Variants in MAS1 observed in about 807,000 individuals in gnomAD.
MAS1 encodes the protein proto-oncogene Mas.
For synonymous variants in MAS1, 163 were observed against 164.2 expected, an observed-to-expected ratio of 0.99 and a Z score of 0.05; for missense variants, 387 against 409.7, an observed-to-expected ratio of 0.94 and a Z score of 0.48.
chr6:159,910,353 C>G lies in MAS1; in HGVS notation c.*2420C>G, dbSNP rs1157212616. On this transcript the variant is annotated 3_prime_UTR_variant, in exon 3 of 3. Coordinates refer to ENST00000674077, the MANE Select transcript of MAS1 (RefSeq NM_002377.4). Reference sequence around the variant, plus strand: ...CATAACTACAACACCAGGCTGCACACAAGTTTGTTTGACAAGTGTTAGGAA... The same window carrying G: ...CATAACTACAACACCAGGCTGCACAGAAGTTTGTTTGACAAGTGTTAGGAA... 2.0e-5 allele frequency: 3 copies of G among 152,254 alleles called. No homozygotes were observed. Among genetic ancestry groups the G allele is most frequent in the Admixed American group, 6.5e-5 (1 of 15,288 alleles). The allele number at this position is 152,254 out of a possible 1,614,324, so 9.4% of individuals were successfully genotyped here.
At chr6:159,889,719 T>C (rs992258502), upstream of MAS1, among the ~76,000 whole-genome samples, 4 of 152,220 alleles carry the variant, frequency 2.6e-5, no homozygotes, top group African/African-American at 9.6e-5. Flanking sequence ...TGAGAACACC[T>C]TTCCAACTTC....
upstream of MAS1, among the ~76,000 whole-genome samples, chr6:159,889,911 T>G (rs1782678291): frequency 6.6e-6 from 1 of 152,188 alleles, no homozygotes; most frequent in Non-Finnish European, 1.5e-5. Context: ...GTCTTCCTGC[T>G]TACGAAAACA....
chr6:159,900,052 T>C (rs1185379974), intron 2 of MAS1, among the ~76,000 whole-genome samples: 1 of 151,864 alleles, frequency 6.6e-6, no homozygotes, highest in Non-Finnish European at 1.5e-5. Flanking sequence ...TGTCAAAAAA[T>C]AATAATAATA....
At chr6:159,898,540 C>CTCCTCCCTCCTCCTGCCTCT (rs1782781795) in intron 1 of MAS1, among the ~76,000 whole-genome samples, 1 of 145,758 alleles carries the variant, frequency 6.9e-6, no homozygotes, top group Non-Finnish European at 1.5e-5. Context: ...CTCCTCCCTC[C>CTCCTCCCTCCTCCTGCCTCT]TCCTCCCTCC....
chr6:159,892,847 G>A (rs1250801753), intron 1 of MAS1, among the ~76,000 whole-genome samples: 4 of 152,100 alleles, frequency 2.6e-5, no homozygotes, highest in African/African-American at 9.7e-5. Context: ...ACTCATATTG[G>A]CAAAGTGCTG....
At chr6:159,901,947 G>A (rs1429183286) in intron 2 of MAS1, among the ~76,000 whole-genome samples, 1 of 152,068 alleles carries the variant, frequency 6.6e-6, no homozygotes, top group Non-Finnish European at 1.5e-5. Flanking sequence ...TTGGGGAAAA[G>A]AAGAAAAGTT....
intron 2 of MAS1, chr6:159,902,555 T>C (rs1782834534): frequency 6.6e-6 from 1 of 152,180 alleles, no homozygotes; most frequent in African/African-American, 2.4e-5. Flanking sequence ...TAAAATGGAT[T>C]TTGCTGGTTT....
chr6:159,890,958 AAATATTTTC>A (rs1562307994), upstream of MAS1, among the ~76,000 whole-genome samples: 1 of 152,182 alleles, frequency 6.6e-6, no homozygotes, highest in Non-Finnish European at 1.5e-5. Flanking sequence ...GGCACATCTC[AAATATTTTC>A]AGCAGTGGGA....
intron 2 of MAS1, among the ~76,000 whole-genome samples, chr6:159,904,382 G>T (rs947696193): frequency 6.6e-6 from 1 of 152,018 alleles, no homozygotes; most frequent in Admixed American, 6.6e-5. Flanking sequence ...TGCCTCACAG[G>T]CTTCTCGAAC....
rs1341380194 is a variant in MAS1 at position 159,914,811 on chromosome 6, T to C, written c.*6878T>C. On this transcript the variant is annotated 3_prime_UTR_variant, in exon 3 of 3. Transcript: ENST00000674077. ...GGACGGGGCCAGAGTGGGTGTCCCATGAAGATGACCAGATCAGTGGGGAGA... is the reference window on the plus strand; with the variant it reads ...GGACGGGGCCAGAGTGGGTGTCCCACGAAGATGACCAGATCAGTGGGGAGA... The C allele has an allele frequency of 6.6e-6, 1 of 152,282 alleles. No homozygotes were observed. Among genetic ancestry groups the C allele is most frequent in the African/African-American group, 2.4e-5 (1 of 41,464 alleles). The allele number at this position is 152,282 out of a possible 1,614,324, so 9.4% of individuals were successfully genotyped here. A position where few individuals can be genotyped will look rare whatever the true frequency, so the allele number is the denominator to read the frequency against.
chr6:159,891,265 G>A (rs2115104765), intron 1 of MAS1, among the ~76,000 whole-genome samples, 132 bp downstream of exon 1: 1 of 152,214 alleles, frequency 6.6e-6, no homozygotes, highest in South Asian at 2.1e-4. Context: ...TTTTTTCGGT[G>A]TGTTAGATGT....
In MAS1 at chr6:159,907,015, C is replaced by T. The variant is rs1161183885; in HGVS notation, c.60C>T (p.Gly20=). 1.2e-6 allele frequency: 2 copies of T among 1,613,406 alleles called. No homozygotes were observed. Among genetic ancestry groups the T allele is most frequent in the Admixed American group, 1.7e-5 (1 of 60,018 alleles). The change falls in exon 3 of 3, where the codon GGC becomes GGT. Residue 20 remains glycine, a synonymous_variant. Coordinates refer to ENST00000674077, the MANE Select transcript of MAS1 (RefSeq NM_002377.4). The part of the protein sequence containing the change: ...VVEEPTNIST[G]RNASVGNAHR... ...AGGAACCCACGAACATCTCAACTGG[C>T]AGGAACGCCTCAGTCGGGAATGCAC... is the stretch of plus-strand genomic sequence containing the variant.
rs1583216740 is a variant in MAS1, at chr6:159,911,560, A to C, written c.*3627A>C. On this transcript the variant is annotated 3_prime_UTR_variant, in exon 3 of 3. Transcript: ENST00000674077. Reference sequence around the variant, plus strand: ...GTCACCCTGTCCCCCTTGCTATGCTATTCCCTTTGCACAGACTGCTCTACC... The same window carrying C: ...GTCACCCTGTCCCCCTTGCTATGCTCTTCCCTTTGCACAGACTGCTCTACC... The C allele has an allele frequency of 6.6e-6, 1 of 152,068 alleles. No individual in the cohort carries two copies. Among genetic ancestry groups the C allele is most frequent in the East Asian group, 1.9e-4 (1 of 5,150 alleles). 9.4% of individuals were successfully genotyped at this position (152,068 alleles called of 1,614,324 possible). A position where few individuals can be genotyped will look rare whatever the true frequency, so the allele number is the denominator to read the frequency against.
At chr6:159,898,574 T>TCCTC (rs1782782720) in intron 1 of MAS1, among the ~76,000 whole-genome samples, 1 of 43,664 alleles carries the variant, frequency 2.3e-5, no homozygotes, top group Non-Finnish European at 4.6e-5. Flanking sequence ...TCCTCCTACC[T>TCCTC]CCTCTTCCTT....
Position 159,907,691 on chromosome 6 carries a change from C to G in MAS1, c.736C>G (p.Leu246Val). The G allele has an allele frequency of 6.2e-7, 1 of 1,613,730 alleles. No individual in the cohort carries two copies. The highest frequency in any genetic ancestry group is 8.5e-7 in the Non-Finnish European group (1 of 1,179,984). Residue 246 changes from leucine to valine, a missense_variant, in exon 3 of 3, where the codon CTC becomes GTC. Leu to Val is a conservative substitution (Grantham distance 32). Coordinates refer to ENST00000674077, the MANE Select transcript of MAS1 (RefSeq NM_002377.4). ...CCTCATCTTCGCTATGCCCATGAGA[C>G]TCCTTTACCTGCTGTACTATGAGTA... is the stretch of plus-strand genomic sequence containing the variant. ...IFLIFAMPMR[L>V]LYLLYYEYWS...
chr6:159,900,313 T>C (rs1782808054), intron 2 of MAS1, among the ~76,000 whole-genome samples: 1 of 152,098 alleles, frequency 6.6e-6, no homozygotes, highest in African/African-American at 2.4e-5. Context: ...TCCTCACACT[T>C]CCCAACCTCA....
At chr6:159,900,897 C>A (rs1583212586) in intron 2 of MAS1, among the ~76,000 whole-genome samples, 2 of 152,246 alleles carry the variant, frequency 1.3e-5, no homozygotes, top group Non-Finnish European at 2.9e-5. Flanking sequence ...AAGGAGTTTG[C>A]TGTTTAGTGG....
intron 1 of MAS1, among the ~76,000 whole-genome samples, chr6:159,892,649 T>G (rs1219669626): frequency 6.6e-6 from 1 of 152,112 alleles, no homozygotes; most frequent in Non-Finnish European, 1.5e-5. Context: ...TCTCCTTGTT[T>G]TTTCTATCAG....
intron 2 of MAS1, chr6:159,906,708 C>T (rs1782890795): frequency 2.3e-6 from 1 of 425,906 alleles, no homozygotes; most frequent in Admixed American, 4.1e-5. Flanking sequence ...AAGGGTCATT[C>T]AATCAGTTCT....
Sources: allele counts gnomAD v4.1 joint callset (sites outside exome capture counted in the v4.1 genomes callset), GRCh38; gene constraint gnomAD v4.1.1; transcripts MANE v1.5; gene names NCBI Gene and HGNC (gene_info 2026-07-23, HGNC 2026-07-21).